FSIP1: variants seen among roughly 807,000 people sequenced by gnomAD.
FSIP1 encodes the protein fibrous sheath-interacting protein 1.
In FSIP1, 65 loss-of-function variants were observed where a neutral mutation model predicts 60.9. The ratio of observed to expected loss-of-function variants is 1.07; its 90% CI spans 0.87 to 1.31. The LOEUF (loss-of-function observed/expected upper bound fraction) is 1.31. Among genes scored for constraint, FSIP1 ranks in the 40% most tolerant of loss-of-function variants. The pLI is 0.00. For missense variants in FSIP1, 675 were observed against 665.5 expected (o/e 1.01, Z -0.16); for synonymous variants, 209 against 221.2 (o/e 0.94, Z 0.49).
chr15:39,739,905 C>A (rs1896749105), intron 6 of FSIP1, 116 bp from the exon 7 acceptor site: 2 of 581,940 alleles, frequency 3.4e-6, no homozygotes, highest in Non-Finnish European at 5.6e-6. Context: ...GAAGAACTAA[C>A]TTCTACATTC....
chr15:39,682,766 C>A (rs1894218099), intron 10 of FSIP1, among the ~76,000 whole-genome samples: 1 of 152,150 alleles, frequency 6.6e-6, no homozygotes, highest in African/African-American at 2.4e-5. Context: ...TAACAAGACA[C>A]CCGTATATTT....
chr15:39,778,861 T>C lies in FSIP1; in HGVS notation c.-7-2330A>G, dbSNP rs76673298. Among the ~76,000 whole-genome samples the C allele has an allele frequency of 7.6e-3, 1,153 of 152,170 alleles. 11 individuals carry two copies. Among genetic ancestry groups the C allele is most frequent in the Non-Finnish European group, 0.013 (884 of 67,978 alleles). Reference sequence around the variant, plus strand: ...CTAATTTTATAAGTAATAAAAAATATGAAATCTCTAACAGACTGGAAGGAA... The same window carrying C: ...CTAATTTTATAAGTAATAAAAAATACGAAATCTCTAACAGACTGGAAGGAA... On this transcript the variant is annotated intron_variant, in intron 1 of 11. Transcript: ENST00000350221.
chr15:39,772,000 C>T (rs971583305), intron 2 of FSIP1, among the ~76,000 whole-genome samples: 5 of 152,174 alleles, frequency 3.3e-5, no homozygotes, highest in African/African-American at 1.2e-4. Flanking sequence ...ATATACAAAA[C>T]ATAACTAGAT....
intron 9 of FSIP1, among the ~76,000 whole-genome samples, chr15:39,717,390 G>A (rs1178629451): frequency 6.6e-6 from 1 of 152,160 alleles, no homozygotes; most frequent in Non-Finnish European, 1.5e-5. Context: ...CAGAAGGAGA[G>A]AGAGCTTAGG....
intron 1 of FSIP1, among the ~76,000 whole-genome samples, chr15:39,778,813 T>C (rs1448253539): frequency 6.6e-6 from 1 of 152,000 alleles, no homozygotes; most frequent in African/African-American, 2.4e-5. Flanking sequence ...CAGTTAAACA[T>C]AATACTTTAA....
chr15:39,774,349 G>T (rs1036388683), intron 2 of FSIP1, among the ~76,000 whole-genome samples: 25 of 152,228 alleles, frequency 1.6e-4, no homozygotes, highest in Admixed American at 1.4e-3. Context: ...TGTGCCTATT[G>T]GTGTGTGCCT....
chr15:39,765,629 C>T lies in FSIP1; in HGVS notation c.428G>A (p.Gly143Asp). 6.2e-7 allele frequency: 1 copy of T among 1,602,926 alleles called. No individual in the cohort carries two copies. The highest frequency in any genetic ancestry group is 8.5e-7 in the Non-Finnish European group (1 of 1,176,268). ...QRREKEIKKQ[G>D]LEMRIKLWEE... ...CCACAGCTTTATTCTCATTTCTAGA[C>T]CTTGCTTCTTAATTTCTTTTTCTCT... Residue 143 changes from glycine (G) to aspartate (D), a missense_variant, in exon 4 of 12, where the codon GGT (glycine) becomes GAT (aspartate). Gly to Asp is a moderately conservative substitution (Grantham distance 94). Transcript: ENST00000350221.
chr15:39,617,815 T>A lies in FSIP1; in HGVS notation c.1619A>T (p.Asp540Val), dbSNP rs1247206258. The A allele has an allele frequency of 1.2e-6, 2 of 1,614,002 alleles. No individual in the cohort carries two copies. The highest frequency in any genetic ancestry group is 2.7e-5 in the African/African-American group (2 of 75,052). Residue 540 changes from aspartate (D) to valine (V), a missense_variant, in exon 11 of 12, where the codon GAT becomes GTT. Coordinates refer to ENST00000350221, the MANE Select transcript of FSIP1 (RefSeq NM_152597.5). Reference protein sequence around the residue: ...GRLKRPSFLDDPLYGISVSLS... With the variant: ...GRLKRPSFLDVPLYGISVSLS... ...GCTCACACTGATACCATACAGTGGA[T>A]CATCTAAGAAGGAGGGCCTTTTCAG...
chr15:39,657,135 A>T (rs1893103265), intron 10 of FSIP1, among the ~76,000 whole-genome samples: 1 of 152,228 alleles, frequency 6.6e-6, no homozygotes, highest in African/African-American at 2.4e-5. Context: ...AAGATGGAGG[A>T]CACCACACCT....
chr15:39,638,931 T>C (rs1892246880), intron 10 of FSIP1, among the ~76,000 whole-genome samples: 1 of 152,188 alleles, frequency 6.6e-6, no homozygotes, highest in African/African-American at 2.4e-5. Flanking sequence ...TTTTTTCTTA[T>C]TGCTAAGTAT....
intron 5 of FSIP1, among the ~76,000 whole-genome samples, chr15:39,751,999 A>G (rs999044388): frequency 1.3e-5 from 2 of 152,006 alleles, no homozygotes; most frequent in African/African-American, 4.8e-5. Context: ...CCATGACCAC[A>G]ATATTATGAG....
intron 8 of FSIP1, among the ~76,000 whole-genome samples, chr15:39,731,731 A>G (rs1349031752): frequency 3.3e-5 from 5 of 152,210 alleles, no homozygotes; most frequent in African/African-American, 9.6e-5. Flanking sequence ...AATGCTTTTC[A>G]CCAGCAACCT....
chr15:39,635,376 C>A (rs1480513636), intron 10 of FSIP1, among the ~76,000 whole-genome samples: 1 of 151,654 alleles, frequency 6.6e-6, no homozygotes, highest in East Asian at 1.9e-4. Flanking sequence ...ACATGCATAC[C>A]AAAGATCAAG....
At chr15:39,761,262 G>A (rs1897488032) in intron 5 of FSIP1, among the ~76,000 whole-genome samples, 1 of 152,180 alleles carries the variant, frequency 6.6e-6, no homozygotes, top group African/African-American at 2.4e-5. Flanking sequence ...TCAACGAGAT[G>A]TCTGCTCTCC....
At chr15:39,726,942 C>T (rs1289757440) in intron 8 of FSIP1, among the ~76,000 whole-genome samples, 195 bp from the exon 9 acceptor site, 1 of 152,144 alleles carries the variant, frequency 6.6e-6, no homozygotes, top group African/African-American at 2.4e-5. Context: ...GTTTTGTTAT[C>T]TGCCAGCCTG....
At chr15:39,764,545 A>G (rs1897616212) in intron 4 of FSIP1, among the ~76,000 whole-genome samples, 1 of 152,242 alleles carries the variant, frequency 6.6e-6, no homozygotes, top group African/African-American at 2.4e-5. Context: ...CCAATCTCTT[A>G]TGACAAGGTT....
Position 39,679,284 on chromosome 15 carries a change from T to C in FSIP1, c.1188+34160A>G, listed in dbSNP as rs186867430. Among the ~76,000 whole-genome samples the C allele has an allele frequency of 4.6e-5, 7 of 152,328 alleles. No individual in the cohort carries two copies. The East Asian group carries it at 1.4e-3, about 29-fold the overall frequency. ...AAGGAACCCTGAATATCTTAAAATC[T>C]AGCTTTACAAGCCAAAGACATCAAG... On this transcript the variant is annotated intron_variant, in intron 10 of 11. Coordinates refer to ENST00000350221, the MANE Select transcript of FSIP1 (RefSeq NM_152597.5).
At chr15:39,661,634 ACAATCTAGT>A (rs1404466947) in intron 10 of FSIP1, among the ~76,000 whole-genome samples, 1 of 152,224 alleles carries the variant, frequency 6.6e-6, no homozygotes, top group Non-Finnish European at 1.5e-5. Context: ...TGAAAATATG[ACAATCTAGT>A]CCCAAAGCAC....
chr15:39,717,849 T>A (rs1191703957), intron 9 of FSIP1, among the ~76,000 whole-genome samples: 2 of 152,242 alleles, frequency 1.3e-5, no homozygotes, highest in East Asian at 3.9e-4. Flanking sequence ...ATTTTAAGCA[T>A]AAGCAAAGTC....
Sources: gnomAD v4.1 joint callset for allele counts (sites outside exome capture counted in the v4.1 genomes callset) on GRCh38, gnomAD v4.1.1 for gene constraint, MANE v1.5 for transcripts, NCBI Gene and HGNC (gene_info 2026-07-23, HGNC 2026-07-21) for gene names.